Variants in MAF observed in about 807,000 individuals in gnomAD.
MAF encodes the protein MAF bZIP transcription factor, also known as transcription factor Maf.
In MAF, 10 loss-of-function variants were observed where a neutral mutation model predicts 22.0. The ratio of observed to expected loss-of-function variants is 0.45; its 90% confidence interval spans 0.28 to 0.77. The LOEUF is 0.77. MAF is among the 30% of genes least tolerant of loss of function. MAF has a pLI of 0.12. For synonymous variants in MAF, 337 were observed against 255.8 expected, an observed-to-expected ratio of 1.32 and a Z score of -3.03; for missense variants, 544 against 548.4, an observed-to-expected ratio of 0.99 and a Z score of 0.08.
At chr16:79,575,431 C>T in the MAF span, among the ~76,000 whole-genome samples, 1 of 152,150 alleles carries the variant, frequency 6.6e-6, no homozygotes, top group African/African-American at 2.4e-5. Context: ...AGGCAAGGGG[C>T]CATGAGGACT....
At chr16:79,300,471 C>T in the MAF span, among the ~76,000 whole-genome samples, 3 of 152,134 alleles carry the variant, frequency 2.0e-5, no homozygotes. Context: ...AGGAGAATCA[C>T]TTGAACCCGG....
chr16:79,259,781 T>C, the MAF span, among the ~76,000 whole-genome samples: 10 of 151,854 alleles, frequency 6.6e-5, no homozygotes, highest in Non-Finnish European at 1.2e-4. Flanking sequence ...AAAAGGACAA[T>C]AGAGGCTGAG....
the MAF span, among the ~76,000 whole-genome samples, chr16:79,416,623 A>G: frequency 6.6e-6 from 1 of 152,204 alleles, no homozygotes; most frequent in African/African-American, 2.4e-5. Flanking sequence ...CAGATGAAGA[A>G]ATAGAAAGGA....
At chr16:79,327,435 G>T in the MAF span, among the ~76,000 whole-genome samples, 1 of 152,130 alleles carries the variant, frequency 6.6e-6, no homozygotes, top group East Asian at 1.9e-4. Flanking sequence ...CTCTCTTGGA[G>T]GCAGATGGGT....
At chr16:79,228,437 T>C in the MAF span, among the ~76,000 whole-genome samples, 2 of 152,236 alleles carry the variant, frequency 1.3e-5, no homozygotes, top group East Asian at 3.9e-4. Flanking sequence ...GATCCTGCTC[T>C]GACTTTAATC....
chr16:79,457,906 A>T, the MAF span, among the ~76,000 whole-genome samples: 2 of 152,324 alleles, frequency 1.3e-5, no homozygotes, highest in African/African-American at 4.8e-5. Context: ...GGTGTGCTCT[A>T]GAGGCCATAT....
the MAF span, among the ~76,000 whole-genome samples, chr16:79,428,175 C>G: frequency 1.3e-5 from 2 of 150,614 alleles, no homozygotes; most frequent in Admixed American, 6.6e-5. Flanking sequence ...AAGCACAGCT[C>G]TAAGTGAAAT....
chr16:79,223,731 C>T, the MAF span, among the ~76,000 whole-genome samples: 3 of 152,138 alleles, frequency 2.0e-5, no homozygotes, highest in African/African-American at 7.2e-5. Flanking sequence ...ACTATAAACA[C>T]CTCTGTGCAA....
At chr16:79,375,375 G>A in the MAF span, among the ~76,000 whole-genome samples, 2 of 152,156 alleles carry the variant, frequency 1.3e-5, no homozygotes, top group Admixed American at 6.5e-5. Flanking sequence ...CATCTCAGAT[G>A]CCCAGATAGT....
the MAF span, among the ~76,000 whole-genome samples, chr16:79,426,080 C>T: frequency 4.1e-4 from 62 of 152,220 alleles, no homozygotes; most frequent in Admixed American, 3.8e-3. Context: ...GTGGCACATG[C>T]CTGTAGTCCC....
chr16:79,486,123 T>C, the MAF span, among the ~76,000 whole-genome samples: 1 of 152,182 alleles, frequency 6.6e-6, no homozygotes, highest in African/African-American at 2.4e-5. Flanking sequence ...ATCGCTTCCA[T>C]GCTCACCCAT....
Position 79,594,379 on chromosome 16 carries a change from G to A in MAF, c.*81C>T, listed in dbSNP as rs113690274. On this transcript the variant is annotated 3_prime_UTR_variant, in exon 2 of 2. Coordinates refer to ENST00000326043, the MANE Select transcript of MAF (RefSeq NM_005360.5). Reference sequence around the variant, plus strand: ...TATTTAAAAAGGAGACTAAACAGAAGTCAGGGGTAGGTGGTTCTCCATGAC... The same window carrying A: ...TATTTAAAAAGGAGACTAAACAGAAATCAGGGGTAGGTGGTTCTCCATGAC... The A allele has an allele frequency of 8.0e-7, 1 of 1,243,852 alleles. No individual in the cohort carries two copies. The highest frequency in any genetic ancestry group is 1.2e-6 in the Non-Finnish European group (1 of 868,008). The allele number at this position is 1,243,852 out of a possible 1,614,324, so 77.1% of individuals were successfully genotyped here.
At chr16:79,361,543 C>G in the MAF span, among the ~76,000 whole-genome samples, 1 of 152,312 alleles carries the variant, frequency 6.6e-6, no homozygotes, top group South Asian at 2.1e-4. Flanking sequence ...GTGAGCCATG[C>G]TAGCCGGCTG....
chr16:79,282,805 G>A, the MAF span, among the ~76,000 whole-genome samples: 1 of 152,158 alleles, frequency 6.6e-6, no homozygotes, highest in African/African-American at 2.4e-5. Context: ...TTTATCGCCT[G>A]AGGAGAATGA....
At chr16:79,417,240 C>T in the MAF span, among the ~76,000 whole-genome samples, 1 of 152,130 alleles carries the variant, frequency 6.6e-6, no homozygotes, top group African/African-American at 2.4e-5. Context: ...TTGCTTCCAT[C>T]TTGAGGTCAT....
intron 1 of MAF, among the ~76,000 whole-genome samples, chr16:79,587,402 A>T (rs1006181359): frequency 5.3e-5 from 8 of 150,264 alleles, no homozygotes; most frequent in Non-Finnish European, 8.9e-5. Flanking sequence ...TAATCTCTTT[A>T]AAAAAAAACT....
At chr16:79,437,263 T>C in the MAF span, among the ~76,000 whole-genome samples, 1 of 152,086 alleles carries the variant, frequency 6.6e-6, no homozygotes, top group Admixed American at 6.6e-5. Flanking sequence ...TCTTCGCTTG[T>C]GTTGCAATCC....
At chr16:79,374,117 A>T in the MAF span, among the ~76,000 whole-genome samples, 26 of 152,116 alleles carry the variant, frequency 1.7e-4, no homozygotes, top group Admixed American at 1.2e-3. Flanking sequence ...AAAATACAAC[A>T]TGTAGAAGGT....
At chr16:79,416,013 A>G in the MAF span, among the ~76,000 whole-genome samples, 1 of 152,174 alleles carries the variant, frequency 6.6e-6, no homozygotes, top group African/African-American at 2.4e-5. Flanking sequence ...TCCTTTTAGC[A>G]AAGTGCCGTG....
Sources: allele counts gnomAD v4.1 joint callset (sites outside exome capture counted in the v4.1 genomes callset), GRCh38; gene constraint gnomAD v4.1.1; transcripts MANE v1.5; gene names NCBI Gene and HGNC (gene_info 2026-07-23, HGNC 2026-07-21).